Variants in PLCB1 observed in about 807,000 individuals in gnomAD.
PLCB1 encodes the protein 1-phosphatidylinositol 4,5-bisphosphate phosphodiesterase beta-1.
Under a neutral mutation model 161.8 loss-of-function variants are expected in PLCB1, and 46 were observed. That is an observed-to-expected ratio of 0.28 (90% CI 0.22 to 0.36). The LOEUF is 0.36. Ranked by LOEUF, PLCB1 falls within the 10% of genes least tolerant of loss-of-function variation. PLCB1 has a pLI of 1.00. For missense variants in PLCB1, 1,016 were observed against 1,472.5 expected, an observed-to-expected ratio of 0.69 and a Z score of 5.07; for synonymous variants, 517 against 503.7, an observed-to-expected ratio of 1.03 and a Z score of -0.35.
intron 3 of PLCB1, among the ~76,000 whole-genome samples, chr20:8,622,087 C>T (rs992435101): frequency 6.6e-6 from 1 of 152,030 alleles, no homozygotes; most frequent in Non-Finnish European, 1.5e-5. Context: ...GAAACCGTCT[C>T]TACTCAAAAT....
intron 3 of PLCB1, among the ~76,000 whole-genome samples, chr20:8,397,250 C>G (rs1415931582): frequency 6.6e-6 from 1 of 151,994 alleles, no homozygotes; most frequent in Non-Finnish European, 1.5e-5. Flanking sequence ...CGTTTCTTTG[C>G]AATTATCTTT....
chr20:8,477,990 T>C (rs1264970956), intron 3 of PLCB1, among the ~76,000 whole-genome samples: 1 of 152,212 alleles, frequency 6.6e-6, no homozygotes, highest in Non-Finnish European at 1.5e-5. Context: ...CAGAAAGTCC[T>C]CCCTGCTTGT....
At chr20:8,810,437 A>T (rs1262177067) in intron 31 of PLCB1, among the ~76,000 whole-genome samples, 1 of 152,078 alleles carries the variant, frequency 6.6e-6, no homozygotes, top group African/African-American at 2.4e-5. Context: ...GAGGGAGAGT[A>T]TAGAAGAAGG....
chr20:8,843,345 T>G (rs766945815), intron 31 of PLCB1, among the ~76,000 whole-genome samples: 77 of 152,198 alleles, frequency 5.1e-4, no homozygotes, highest in Admixed American at 9.8e-4. Flanking sequence ...TAGTAACTAT[T>G]TCAAAGTTAG....
intron 2 of PLCB1, among the ~76,000 whole-genome samples, chr20:8,280,841 C>T (rs1251930932): frequency 6.6e-6 from 1 of 152,160 alleles, no homozygotes; most frequent in Non-Finnish European, 1.5e-5. Context: ...AGCTGGCCTA[C>T]CCATGGCAAG....
intron 4 of PLCB1, among the ~76,000 whole-genome samples, chr20:8,644,153 A>T (rs1600220858): frequency 6.6e-6 from 1 of 151,184 alleles, no homozygotes; most frequent in South Asian, 2.1e-4. Context: ...TACAACATCC[A>T]CCTCCCAGCC....
Position 8,315,592 on chromosome 20 carries a change from T to C in PLCB1, c.178-55790T>C, listed in dbSNP as rs564625863. ...TGTTCTTGTGTTCTTAGTTTTCTTA[T>C]GTATAAAATGAGGGAGGAAGGTGGG... On this transcript the variant is annotated intron_variant, in intron 2 of 31. Transcript: ENST00000338037. Among the ~76,000 whole-genome samples the C allele has an allele frequency of 2.6e-5, 4 of 152,326 alleles. No homozygotes were observed. The East Asian group carries it at 7.7e-4, about 29-fold the overall frequency.
intron 14 of PLCB1, 23 bp downstream of exon 14, chr20:8,717,871 C>A: frequency 1.9e-6 from 3 of 1,592,512 alleles, no homozygotes; most frequent in Middle Eastern, 3.4e-4. Context: ...TGGGCTCTCC[C>A]CGTCATGTTT....
intron 3 of PLCB1, among the ~76,000 whole-genome samples, chr20:8,443,616 G>A (rs1161103246): frequency 6.6e-6 from 1 of 152,136 alleles, no homozygotes; most frequent in East Asian, 1.9e-4. Flanking sequence ...GGCTCCCTGA[G>A]CAACTGACTT....
chr20:8,274,019 C>T (rs6133566), intron 2 of PLCB1, among the ~76,000 whole-genome samples: 48,801 of 152,018 alleles, frequency 0.32, 7,868 homozygotes, highest in South Asian at 0.41. Context: ...AATCATCATA[C>T]TGAAATTAGT....
At chr20:8,791,660 G>A (rs915887472) in intron 31 of PLCB1, among the ~76,000 whole-genome samples, 4 of 150,794 alleles carry the variant, frequency 2.7e-5, no homozygotes, top group Admixed American at 6.6e-5. Flanking sequence ...TTTTTCATGC[G>A]TGTTTTGGTT....
At chr20:8,581,833 C>T (rs919292331) in intron 3 of PLCB1, among the ~76,000 whole-genome samples, 5 of 152,312 alleles carry the variant, frequency 3.3e-5, no homozygotes, top group East Asian at 1.9e-4. Context: ...TGTATCTCAA[C>T]TACCATTCAG....
intron 26 of PLCB1, among the ~76,000 whole-genome samples, chr20:8,767,942 G>A (rs1334609514): frequency 6.6e-6 from 1 of 152,142 alleles, no homozygotes; most frequent in South Asian, 2.1e-4. Context: ...CCAGCACTTT[G>A]GGAGGCTAAG....
At chr20:8,414,534 G>C (rs568111424) in intron 3 of PLCB1, among the ~76,000 whole-genome samples, 33 of 152,230 alleles carry the variant, frequency 2.2e-4, no homozygotes, top group Middle Eastern at 3.4e-3. Flanking sequence ...AAACAGCATG[G>C]GATGTTGGAA....
chr20:8,723,188 T>A (rs1979743654), intron 15 of PLCB1, among the ~76,000 whole-genome samples: 1 of 152,230 alleles, frequency 6.6e-6, no homozygotes, highest in Non-Finnish European at 1.5e-5. Context: ...TCTAAAGTTT[T>A]GCTTAATTAT....
At chr20:8,564,550 C>G (rs1275688052) in intron 3 of PLCB1, among the ~76,000 whole-genome samples, 1 of 152,090 alleles carries the variant, frequency 6.6e-6, no homozygotes, top group Non-Finnish European at 1.5e-5. Context: ...GAACAGACAA[C>G]CTACAGAATG....
intron 31 of PLCB1, among the ~76,000 whole-genome samples, chr20:8,824,926 G>A (rs986250986): frequency 3.9e-5 from 6 of 152,136 alleles, no homozygotes; most frequent in African/African-American, 1.4e-4. Flanking sequence ...GTTGATGTCT[G>A]GATATTGAGT....
At chr20:8,513,067 T>C (rs1983959953) in intron 3 of PLCB1, among the ~76,000 whole-genome samples, 1 of 152,202 alleles carries the variant, frequency 6.6e-6, no homozygotes, top group African/African-American at 2.4e-5. Flanking sequence ...GCCTGGCTTA[T>C]TTTACTTAGT....
chr20:8,760,825 G>A (rs1981982345), intron 25 of PLCB1, among the ~76,000 whole-genome samples: 1 of 152,122 alleles, frequency 6.6e-6, no homozygotes, highest in Non-Finnish European at 1.5e-5. Context: ...ATCCATTTGT[G>A]AGCATAAAAT....
Sources: allele counts gnomAD v4.1 joint callset (sites outside exome capture counted in the v4.1 genomes callset), GRCh38; gene constraint gnomAD v4.1.1; transcripts MANE v1.5; gene names NCBI Gene and HGNC (gene_info 2026-07-23, HGNC 2026-07-21).